CPA4: variants seen among roughly 807,000 people sequenced by gnomAD.
CPA4 encodes the protein carboxypeptidase A4.
In CPA4, 49 loss-of-function variants were observed where a neutral mutation model predicts 54.7. The ratio of observed to expected loss-of-function variants is 0.90; its 90% CI spans 0.71 to 1.14. The LOEUF (loss-of-function observed/expected upper bound fraction) is 1.14. Ranked by LOEUF, CPA4 falls within the 50% of genes most tolerant of loss-of-function variation. The pLI, the probability that CPA4 is intolerant of heterozygous loss-of-function variation, is 0.00. For synonymous variants in CPA4, 215 were observed against 206.8 expected, an observed-to-expected ratio of 1.04 and a Z score of -0.34; for missense variants, 487 against 525.1, an observed-to-expected ratio of 0.93 and a Z score of 0.71.
intron 10 of CPA4, among the ~76,000 whole-genome samples, chr7:130,314,405 T>A (rs1226380317): frequency 6.6e-6 from 1 of 152,264 alleles, no homozygotes; most frequent in Admixed American, 6.5e-5. Flanking sequence ...GGATAATCGC[T>A]GACCAGGGTG....
rs1321120636 is a variant in CPA4 at position 130,323,263 on chromosome 7, A to T, written c.*587A>T. On this transcript the variant is annotated 3_prime_UTR_variant, in exon 11 of 11. Coordinates refer to ENST00000222482, the MANE Select transcript of CPA4 (RefSeq NM_016352.4). Reference sequence around the variant, plus strand: ...AGACAGAGTTTTGCTCTTGTTGCCCAGGCTGGAGTGTGATGGCTCGATCTT... The same window carrying T: ...AGACAGAGTTTTGCTCTTGTTGCCCTGGCTGGAGTGTGATGGCTCGATCTT... 1 of 148,746 alleles carries T rather than the reference A, an allele frequency of 6.7e-6. No individual in the cohort carries two copies. 9.2% of individuals were successfully genotyped at this position (148,746 alleles called of 1,614,324 possible).
intron 4 of CPA4, 142 bp from the exon 5 acceptor site, chr7:130,304,336 C>T (rs915238333): frequency 1.8e-5 from 13 of 707,358 alleles, no homozygotes; most frequent in African/African-American, 3.5e-5. Flanking sequence ...TCATAATCAG[C>T]GTTTCCATGC....
intron 1 of CPA4, among the ~76,000 whole-genome samples, chr7:130,294,564 G>A (rs768491572): frequency 2.0e-5 from 3 of 152,208 alleles, no homozygotes; most frequent in Non-Finnish European, 4.4e-5. Context: ...TATTCATGTG[G>A]CTGAAAAATC....
At position 130,310,258 on chromosome 7, in the gene CPA4, G is replaced by A. The variant is rs148526311; in HGVS notation, c.794-529G>A. Among the ~76,000 whole-genome samples the A allele has an allele frequency of 2.5e-4, 38 of 152,084 alleles. No homozygotes were observed. The highest frequency in any genetic ancestry group is 6.5e-4 in the African/African-American group (27 of 41,472). ...TACACACACACACGCACACACACAC[G>A]TATGCACGTGTGCACACACACACCC... is the stretch of plus-strand genomic sequence containing the variant. On this transcript the variant is annotated intron_variant, in intron 8 of 10. Coordinates refer to ENST00000222482, the MANE Select transcript of CPA4 (RefSeq NM_016352.4). This position sits in a 1 kb window ranked among gnomAD's most constrained non-coding sequence, Gnocchi z 4.3.
At chr7:130,298,649 C>T (rs1793690679) in intron 1 of CPA4, 97 bp from the exon 2 acceptor site, 2 of 730,418 alleles carry the variant, frequency 2.7e-6, no homozygotes, top group African/African-American at 3.5e-5. Flanking sequence ...TTTCTTTTGG[C>T]CTGGTTACGT....
rs573679018 is a variant in CPA4, at chr7:130,294,796, C to A, written c.68+1548C>A. 3.3e-5 allele frequency among the ~76,000 whole-genome samples: 5 copies of A among 152,344 alleles called. No individual in the cohort carries two copies. The East Asian group carries it at 9.6e-4, about 29-fold the overall frequency. The stretch of plus-strand genomic sequence containing the variant: ...CAAAGGTAGTGGAATTCTTCCTGGG[C>A]TCTCTAGAGGTGTCCCAGACACCCA... On this transcript the variant is annotated intron_variant, in intron 1 of 10. Coordinates refer to ENST00000222482, the MANE Select transcript of CPA4 (RefSeq NM_016352.4).
chr7:130,321,877 G>C (rs187857198), intron 10 of CPA4, among the ~76,000 whole-genome samples: 90 of 152,232 alleles, frequency 5.9e-4, no homozygotes, highest in African/African-American at 2.1e-3. Context: ...GATTTGGGTG[G>C]GGACACAGCC....
chr7:130,307,910 G>A (rs891666624), intron 7 of CPA4, among the ~76,000 whole-genome samples: 5 of 152,178 alleles, frequency 3.3e-5, no homozygotes, highest in African/African-American at 1.2e-4. Context: ...GCCAGGTCTA[G>A]AGCTTGATTG....
chr7:130,315,420 T>C lies in CPA4; in HGVS notation c.1078+3298T>C, dbSNP rs115942188. 5.1e-3 allele frequency among the ~76,000 whole-genome samples: 724 copies of C among 141,426 alleles called. 3 individuals are homozygous for C. The highest frequency in any genetic ancestry group is 0.018 in the African/African-American group (699 of 38,570). The allele number at this position is 141,426 out of a possible 152,430, so 92.8% of individuals were successfully genotyped here. On this transcript the variant is annotated intron_variant, in intron 10 of 10. Coordinates refer to ENST00000222482, the MANE Select transcript of CPA4 (RefSeq NM_016352.4). ...GTTTGTATGTGTTTGGAGTGAGTAC[T>C]TGGTGAGGGTGTTTTTTAGAATGTT...
chr7:130,299,429 C>T (rs1256252905), intron 3 of CPA4, 25 bp downstream of exon 3: 4 of 1,610,456 alleles, frequency 2.5e-6, no homozygotes, highest in Non-Finnish European at 1.7e-6. Flanking sequence ...CCTCCTGCCT[C>T]CTGCTCTTGC....
At chr7:130,316,432 G>T (rs754957921) in intron 10 of CPA4, among the ~76,000 whole-genome samples, 3 of 152,166 alleles carry the variant, frequency 2.0e-5, no homozygotes, top group Non-Finnish European at 4.4e-5. Context: ...AAGGCAAGGG[G>T]GCAGCCTCTA....
chr7:130,313,021 C>A (rs890192452), intron 10 of CPA4, among the ~76,000 whole-genome samples: 1 of 152,128 alleles, frequency 6.6e-6, no homozygotes, highest in Non-Finnish European at 1.5e-5. Context: ...CTTAAAATGG[C>A]AGTATTTGCC....
At chr7:130,304,777 C>A in intron 5 of CPA4, 198 bp downstream of exon 5, 1 of 599,770 alleles carries the variant, frequency 1.7e-6, no homozygotes, top group Non-Finnish European at 3.0e-6. Context: ...AGAAGGAGCA[C>A]ATCCCATTCC....
rs1233132253 is a variant in CPA4 at position 130,304,716 on chromosome 7, T to A, written c.486+137T>A. 5 of 658,922 alleles carry A rather than the reference T, an allele frequency of 7.6e-6. No homozygotes were observed. In the African/African-American group the frequency reaches 9.0e-5, roughly 12 times the overall value. The allele number at this position is 658,922 out of a possible 1,614,324, so 40.8% of individuals were successfully genotyped here. A position where few individuals can be genotyped will look rare whatever the true frequency, so the allele number is the denominator to read the frequency against. ...AGGTCAGGACACATTGTACCTGGGC[T>A]GGAACTTGGTCTGACAGAGCCCCTT... On this transcript the variant is annotated intron_variant, in intron 5 of 10. Transcript: ENST00000222482.
chr7:130,319,282 T>G (rs1464743182), intron 10 of CPA4, among the ~76,000 whole-genome samples: 1 of 152,236 alleles, frequency 6.6e-6, no homozygotes, highest in African/African-American at 2.4e-5. Context: ...TTTCATGTAC[T>G]TTTTGTAGTT....
At position 130,305,921 on chromosome 7, in the gene CPA4, G is replaced by T. The variant is rs1793813197; in HGVS notation, c.591+1G>T. The T allele has an allele frequency of 2.5e-6, 4 of 1,610,310 alleles. No homozygotes were observed. The highest frequency in any genetic ancestry group is 3.4e-6 in the Non-Finnish European group (4 of 1,176,660). Reference sequence around the variant, plus strand: ...CACTGCAATCTGGACGGCAAGGAAGGTCATGCTGCGTGGTATTAGCCAGGA... The same window carrying T: ...CACTGCAATCTGGACGGCAAGGAAGTTCATGCTGCGTGGTATTAGCCAGGA... On this transcript the variant is annotated splice_donor_variant, in intron 6 of 10. Transcript: ENST00000222482. LOFTEE classifies it high-confidence loss of function.
At chr7:130,298,852 T>A in intron 2 of CPA4, 25 bp downstream of exon 2, 1 of 1,413,448 alleles carries the variant, frequency 7.1e-7, no homozygotes, top group Non-Finnish European at 1.0e-6. Context: ...TTAGCTCTCC[T>A]GAGTGTTTTC....
In CPA4 at chr7:130,322,658, G is replaced by A. The variant is rs1177543967; in HGVS notation, c.1248G>A (p.Val416=). 2 of 1,613,948 alleles carry A rather than the reference G, an allele frequency of 1.2e-6. No individual in the cohort carries two copies. Among genetic ancestry groups the A allele is most frequent in the Admixed American group, 1.7e-5 (1 of 59,990 alleles). ...WLGLKTIMEH[V]RDNLY ...GGCTGAAGACCATCATGGAGCATGT[G>A]CGGGACAACCTCTACTAGGCGATGG... Residue 416 remains valine, a synonymous_variant, in exon 11 of 11, where the codon GTG becomes GTA. Transcript: ENST00000222482.
At chr7:130,302,257 T>A (rs1396642810) in intron 4 of CPA4, among the ~76,000 whole-genome samples, 1 of 151,992 alleles carries the variant, frequency 6.6e-6, no homozygotes, top group Non-Finnish European at 1.5e-5. Context: ...GAGGCCGAGG[T>A]GGGCAGATCA....
Sources: gnomAD v4.1 joint callset for allele counts (sites outside exome capture counted in the v4.1 genomes callset) on GRCh38, gnomAD v4.1.1 for gene constraint, Gnocchi (gnomAD v3.1) non-coding constraint, MANE v1.5 for transcripts, NCBI Gene and HGNC (gene_info 2026-07-23, HGNC 2026-07-21) for gene names.